The following UBE2V2 variants were observed in gnomAD, a reference collection of about 807,000 sequenced individuals.
UBE2V2 encodes ubiquitin conjugating enzyme E2 V2, also known as ubiquitin-conjugating enzyme E2 variant 2.
In UBE2V2, 9 loss-of-function variants were observed where a neutral mutation model predicts 17.2. The observed-to-expected ratio is 0.52, with a 90% CI of 0.32 to 0.91. UBE2V2 has a LOEUF of 0.91. Among genes scored for constraint, UBE2V2 ranks in the 40% least tolerant of loss-of-function variants. UBE2V2 has a pLI of 0.04. For missense variants in UBE2V2, 133 were observed against 182.6 expected, an observed-to-expected ratio of 0.73 and a Z score of 1.56; for synonymous variants, 61 against 57.5, an observed-to-expected ratio of 1.06 and a Z score of -0.28.
chr8:48,013,782 A>G (rs2091249158), intron 1 of UBE2V2, among the ~76,000 whole-genome samples: 1 of 152,330 alleles, frequency 6.6e-6, no homozygotes, highest in East Asian at 1.9e-4. Flanking sequence ...AATATAACCT[A>G]CTAATTGCCT....
the UBE2V2 span, among the ~76,000 whole-genome samples, chr8:47,997,664 C>G: frequency 1.3e-5 from 2 of 151,980 alleles, no homozygotes; most frequent in African/African-American, 2.4e-5. Context: ...GAAAAGGGGA[C>G]GTGGACACAG....
intron 3 of UBE2V2, among the ~76,000 whole-genome samples, chr8:48,051,329 A>G (rs79896539): frequency 0.011 from 1,647 of 152,314 alleles, 8 homozygotes; most frequent in Non-Finnish European, 0.016. Flanking sequence ...GCAAAATAAC[A>G]TATCATCATC....
intron 3 of UBE2V2, among the ~76,000 whole-genome samples, chr8:48,055,859 T>G (rs1334415140): frequency 6.6e-6 from 1 of 151,108 alleles, no homozygotes; most frequent in Non-Finnish European, 1.5e-5. Flanking sequence ...CCTGGGTTCA[T>G]GCCATTCTCC....
At chr8:48,025,903 G>A (rs1055777088) in intron 1 of UBE2V2, among the ~76,000 whole-genome samples, 1 of 152,056 alleles carries the variant, frequency 6.6e-6, no homozygotes, top group Admixed American at 6.6e-5. Context: ...CCGGGCTCTG[G>A]ATTTTCTATC....
chr8:48,033,067 CAG>C (rs2091394892), intron 1 of UBE2V2, among the ~76,000 whole-genome samples: 1 of 152,190 alleles, frequency 6.6e-6, no homozygotes, highest in Admixed American at 6.5e-5. Flanking sequence ...GAGTACAAGA[CAG>C]AGTAAAGTTA....
At chr8:48,027,647 G>A (rs1243728311) in intron 1 of UBE2V2, among the ~76,000 whole-genome samples, 5 of 151,708 alleles carry the variant, frequency 3.3e-5, no homozygotes, top group South Asian at 4.2e-4. Context: ...CTGCAGGCAC[G>A]CGCCTTTATG....
chr8:48,042,987 T>A lies in UBE2V2; in HGVS notation c.17-46T>A, dbSNP rs768927401. ...GCTGAATTTAAATACGTGTAGCTCT[T>A]ATAATTATGAGCTTTTTACATTTAC... On this transcript the variant is annotated intron_variant, in intron 1 of 3. Coordinates refer to ENST00000523111, the MANE Select transcript of UBE2V2 (RefSeq NM_003350.3). 1.6e-5 allele frequency: 22 copies of A among 1,382,876 alleles called. No homozygotes were observed. In the East Asian group the frequency reaches 5.3e-4, roughly 33 times the overall value. 85.7% of individuals were successfully genotyped at this position (1,382,876 alleles called of 1,614,324 possible). A position where few individuals can be genotyped will look rare whatever the true frequency, so the allele number is the denominator to read the frequency against.
At chr8:48,047,204 G>C (rs1233238289) in intron 2 of UBE2V2, among the ~76,000 whole-genome samples, 1 of 152,154 alleles carries the variant, frequency 6.6e-6, no homozygotes, top group African/African-American at 2.4e-5. Flanking sequence ...GCCTCCCAAA[G>C]TGTTAGGATT....
At chr8:48,050,929 C>A (rs1241908479) in intron 3 of UBE2V2, among the ~76,000 whole-genome samples, 5 of 152,144 alleles carry the variant, frequency 3.3e-5, no homozygotes, top group Non-Finnish European at 7.3e-5. Flanking sequence ...GGTACTCCCC[C>A]ACTTCCTGTG....
chr8:48,057,239 A>T (rs189469747), intron 3 of UBE2V2, among the ~76,000 whole-genome samples: 1 of 152,152 alleles, frequency 6.6e-6, no homozygotes, highest in African/African-American at 2.4e-5. Context: ...CTTCTGACCC[A>T]TGTATATTTA....
chr8:48,007,023 G>A (rs2091187839), upstream of UBE2V2, among the ~76,000 whole-genome samples: 1 of 151,928 alleles, frequency 6.6e-6, no homozygotes, highest in African/African-American at 2.4e-5. Context: ...TGGGACTACA[G>A]GGGCCTGCCA....
At chr8:48,032,651 G>A (rs1302765147) in intron 1 of UBE2V2, among the ~76,000 whole-genome samples, 6 of 152,112 alleles carry the variant, frequency 3.9e-5, no homozygotes, top group Non-Finnish European at 7.4e-5. Context: ...AGCTACTCTG[G>A]AGGCTGACGT....
the UBE2V2 span, among the ~76,000 whole-genome samples, chr8:47,999,362 CTT>C: frequency 5.5e-5 from 8 of 145,260 alleles, no homozygotes; most frequent in South Asian, 2.2e-4. Flanking sequence ...TAGACTTCCC[CTT>C]TTTTTTTTTT....
intron 1 of UBE2V2, among the ~76,000 whole-genome samples, chr8:48,028,489 C>T (rs1385484369): frequency 2.6e-5 from 4 of 152,124 alleles, no homozygotes; most frequent in Admixed American, 2.6e-4. Flanking sequence ...CAGGCATGTG[C>T]CACCACACCT....
chr8:48,063,189 C>T lies in UBE2V2; in HGVS notation c.*2361C>T, dbSNP rs985329270. On this transcript the variant is annotated 3_prime_UTR_variant, in exon 4 of 4. Coordinates refer to ENST00000523111, the MANE Select transcript of UBE2V2 (RefSeq NM_003350.3). ...CAAGTACATGTTGTCAGAGTCAGCCCTATAATGTTCATTTCCCCTCTTGTT... is the reference window on the plus strand; with the variant it reads ...CAAGTACATGTTGTCAGAGTCAGCCTTATAATGTTCATTTCCCCTCTTGTT... The T allele has an allele frequency of 2.6e-5, 4 of 152,164 alleles. No homozygotes were observed. The highest frequency in any genetic ancestry group is 9.7e-5 in the African/African-American group (4 of 41,442). 9.4% of individuals were successfully genotyped at this position (152,164 alleles called of 1,614,324 possible).
intron 1 of UBE2V2, among the ~76,000 whole-genome samples, chr8:48,010,495 G>A (rs565619173): frequency 7.1e-4 from 102 of 144,476 alleles, no homozygotes; most frequent in African/African-American, 2.5e-3. Flanking sequence ...TCCGCCTCCC[G>A]GGCTCAAGCG....
the UBE2V2 span, among the ~76,000 whole-genome samples, chr8:47,997,972 G>A: frequency 5.9e-3 from 904 of 152,008 alleles, 13 homozygotes; most frequent in African/African-American, 0.02. Flanking sequence ...AGTTTGGAGC[G>A]GGCGAGGATA....
intron 1 of UBE2V2, among the ~76,000 whole-genome samples, chr8:48,038,296 A>G (rs1309880702): frequency 1.3e-5 from 2 of 152,018 alleles, no homozygotes; most frequent in African/African-American, 4.8e-5. Context: ...GAGGTCATCA[A>G]TATCCTGATT....
chr8:48,029,514 T>TA (rs986377169), intron 1 of UBE2V2, among the ~76,000 whole-genome samples: 2 of 152,184 alleles, frequency 1.3e-5, no homozygotes, highest in African/African-American at 4.8e-5. Flanking sequence ...TTAATCTCAC[T>TA]AAAAAAAGTT....
Sources: gnomAD v4.1 joint callset for allele counts (sites outside exome capture counted in the v4.1 genomes callset) on GRCh38, gnomAD v4.1.1 for gene constraint, MANE v1.5 for transcripts, NCBI Gene and HGNC (gene_info 2026-07-23, HGNC 2026-07-21) for gene names.